The following FBLN5 variants were observed in gnomAD, a reference collection of about 807,000 sequenced individuals.
FBLN5 encodes the protein fibulin-5.
A neutral mutation model predicts 61.6 loss-of-function variants in FBLN5; 24 were observed. The ratio of observed to expected loss-of-function variants is 0.39; its 90% CI spans 0.28 to 0.55. The LOEUF (loss-of-function observed/expected upper bound fraction) is 0.55, where lower values mean the gene tolerates loss of function less well. FBLN5 is among the 20% of genes least tolerant of loss of function. The pLI is 0.65. For synonymous variants in FBLN5, 213 were observed against 219.8 expected (o/e 0.97, Z 0.27); for missense variants, 470 against 594.1 (o/e 0.79, Z 2.17).
intron 4 of FBLN5, among the ~76,000 whole-genome samples, chr14:91,915,686 C>CA (rs34675184): frequency 0.33 from 14,612 of 43,778 alleles, 3,389 homozygotes; most frequent in East Asian, 0.51. Context: ...GACTCCATCT[C>CA]AAAAAAAAAA....
intron 4 of FBLN5, among the ~76,000 whole-genome samples, chr14:91,906,095 C>T (rs1477990432): frequency 1.3e-5 from 2 of 152,138 alleles, no homozygotes; most frequent in African/African-American, 4.8e-5. Flanking sequence ...CCATGTTGAC[C>T]AGGCTGGTCT....
intron 4 of FBLN5, among the ~76,000 whole-genome samples, chr14:91,900,541 C>G (rs577480654): frequency 6.6e-6 from 1 of 152,218 alleles, no homozygotes; most frequent in East Asian, 1.9e-4. Context: ...CTCCAAGCAC[C>G]AAAGTTTAAA....
At chr14:91,938,284 C>A in intron 3 of FBLN5, 1 of 163,140 alleles carries the variant, frequency 6.1e-6, no homozygotes, top group Non-Finnish European at 1.4e-5. Flanking sequence ...GGGGAAATCC[C>A]ATCTCTACTA....
chr14:91,877,435 C>G, intron 10 of FBLN5, 52 bp downstream of exon 10: 1 of 1,435,130 alleles, frequency 7.0e-7, no homozygotes, highest in African/African-American at 1.4e-5. Context: ...CTAGGAGAGA[C>G]AGCACAAGGC....
rs185053478 is a variant in FBLN5, at chr14:91,883,412, G to A, written c.740-336C>T. ...CACCATGTAGGGGAATCCACCCTCCGCCTCTGACCTGCCTAAGGGGCTGAG... is the reference window on the plus strand; with the variant it reads ...CACCATGTAGGGGAATCCACCCTCCACCTCTGACCTGCCTAAGGGGCTGAG... On this transcript the variant is annotated intron_variant, in intron 7 of 10. Transcript: ENST00000342058. 6.7e-3 allele frequency among the ~76,000 whole-genome samples: 1,020 copies of A among 151,936 alleles called. 5 individuals are homozygous for A. The highest frequency in any genetic ancestry group is 9.7e-3 in the Non-Finnish European group (657 of 67,968).
intron 1 of FBLN5, chr14:91,946,895 C>G (rs1287554851): frequency 6.8e-7 from 1 of 1,469,132 alleles, no homozygotes; most frequent in Non-Finnish European, 8.9e-7. Flanking sequence ...AAAATACATA[C>G]AAAAATCCCT....
chr14:91,892,431 G>T (rs1890033926), intron 5 of FBLN5, among the ~76,000 whole-genome samples: 1 of 152,210 alleles, frequency 6.6e-6, no homozygotes, highest in Non-Finnish European at 1.5e-5. Context: ...CAGTCCTTGT[G>T]CCTGGTTTCT....
intron 9 of FBLN5, among the ~76,000 whole-genome samples, chr14:91,879,325 T>G (rs188352542): frequency 3.9e-5 from 6 of 152,228 alleles, no homozygotes. Flanking sequence ...CGGAAGTATG[T>G]GCACACAAGA....
At chr14:91,900,630 A>T (rs1344111934) in intron 4 of FBLN5, among the ~76,000 whole-genome samples, 3 of 152,234 alleles carry the variant, frequency 2.0e-5, no homozygotes, top group African/African-American at 7.2e-5. Context: ...GAGCAGACAG[A>T]GCTGGGTGTG....
rs561213364 is a variant in FBLN5 at position 91,899,046 on chromosome 14, C to T, written c.380-3974G>A. ...CTCTATCTCCTGACCTCGTGATCTG[C>T]CCGCATCGGCCTCCCAAAGTGCTGG... On this transcript the variant is annotated intron_variant, in intron 4 of 10. Transcript: ENST00000342058. 4.0e-4 allele frequency among the ~76,000 whole-genome samples: 61 copies of T among 152,104 alleles called. 1 individual carries two copies. The South Asian group carries it at 0.012, about 30-fold the overall frequency.
At chr14:91,877,444 G>T in intron 10 of FBLN5, 43 bp downstream of exon 10, 1 of 1,487,446 alleles carries the variant, frequency 6.7e-7, no homozygotes, top group Non-Finnish European at 9.4e-7. Context: ...ACAGCACAAG[G>T]CCACTGTTAC....
intron 4 of FBLN5, among the ~76,000 whole-genome samples, chr14:91,906,083 T>G (rs777239440): frequency 6.6e-6 from 1 of 152,132 alleles, no homozygotes; most frequent in Non-Finnish European, 1.5e-5. Flanking sequence ...GACAGGGTTT[T>G]GCCATGTTGA....
At chr14:91,903,676 T>C (rs564935980) in intron 4 of FBLN5, among the ~76,000 whole-genome samples, 6 of 152,232 alleles carry the variant, frequency 3.9e-5, no homozygotes, top group African/African-American at 1.4e-4. Context: ...CAGAGCCCTG[T>C]CTCGGTTAAC....
At chr14:91,919,806 C>T (rs374469153) in intron 4 of FBLN5, among the ~76,000 whole-genome samples, 1 of 152,222 alleles carries the variant, frequency 6.6e-6, no homozygotes, top group East Asian at 1.9e-4. Flanking sequence ...ACTCTGCCAA[C>T]ATTGTGATCC....
chr14:91,886,862 T>G lies in FBLN5; in HGVS notation c.739+331A>C, dbSNP rs565076092. On this transcript the variant is annotated intron_variant, in intron 7 of 10. Transcript: ENST00000342058. ...TTCTGTGATATCCCCAAGACTTGAG[T>G]CGGTGCTGGGTGAGGACAGACAGCT... Among the ~76,000 whole-genome samples the G allele has an allele frequency of 2.6e-5, 4 of 152,166 alleles. No individual in the cohort carries two copies. The South Asian group carries it at 8.3e-4, about 32-fold the overall frequency.
chr14:91,889,651 G>C (rs777620098), intron 6 of FBLN5, among the ~76,000 whole-genome samples: 1 of 152,228 alleles, frequency 6.6e-6, no homozygotes, highest in Non-Finnish European at 1.5e-5. Flanking sequence ...ACGTGACAAT[G>C]CTCTAGCGTG....
intron 4 of FBLN5, among the ~76,000 whole-genome samples, chr14:91,930,582 A>T (rs1475289352): frequency 1.3e-5 from 2 of 152,174 alleles, no homozygotes. Flanking sequence ...TCTCAGCCTG[A>T]GGACTGAGTT....
intron 7 of FBLN5, among the ~76,000 whole-genome samples, chr14:91,886,036 G>A (rs144458291): frequency 1.2e-4 from 19 of 152,296 alleles, no homozygotes; most frequent in African/African-American, 3.6e-4. Flanking sequence ...TTCATGGGAC[G>A]CTGTCCCCAG....
chr14:91,904,831 G>A (rs141191961), intron 4 of FBLN5, among the ~76,000 whole-genome samples: 1,805 of 152,294 alleles, frequency 0.012, 37 homozygotes, highest in African/African-American at 0.041. Flanking sequence ...GGATACAAAT[G>A]TTCAGTCCAT....
Sources: gnomAD v4.1 joint callset for allele counts (sites outside exome capture counted in the v4.1 genomes callset) on GRCh38, gnomAD v4.1.1 for gene constraint, MANE v1.5 for transcripts, NCBI Gene and HGNC (gene_info 2026-07-23, HGNC 2026-07-21) for gene names.